The following RBFOX1 variants were observed in gnomAD, a reference collection of about 807,000 sequenced individuals.
RBFOX1 encodes RNA binding fox-1 homolog 1.
In RBFOX1, 8 loss-of-function variants were observed where a neutral mutation model predicts 57.7. The ratio of observed to expected loss-of-function variants is 0.14; its 90% CI spans 0.08 to 0.25. The LOEUF is 0.25. Ranked by LOEUF, RBFOX1 falls within the 10% of genes least tolerant of loss-of-function variation. RBFOX1 has a pLI of 1.00. For synonymous variants in RBFOX1, 326 were observed against 222.4 expected (o/e 1.47, Z -4.15); for missense variants, 611 against 548.5 (o/e 1.11, Z -1.14).
intron 2 of RBFOX1, among the ~76,000 whole-genome samples, chr16:6,559,427 G>A (rs1385966606): frequency 6.6e-6 from 1 of 152,026 alleles, no homozygotes; most frequent in Non-Finnish European, 1.5e-5. Context: ...CCACTGCTGA[G>A]ATCATCTCAG....
At position 6,005,181 on chromosome 16, in the gene RBFOX1, G is replaced by T. The variant is rs1234411315; in HGVS notation, c.351+137846G>T. ...AGAAAGTCACATGACTTCAAATGCG[G>T]AAGTTTATATTTCGTTCAAATGTAT... On this transcript the variant is annotated intron_variant, in intron 4 of 19. Coordinates refer to the RBFOX1 transcript ENST00000641259. Among the ~76,000 whole-genome samples, 4 of 152,190 alleles carry T rather than the reference G, an allele frequency of 2.6e-5. 1 individual carries two copies. The highest frequency in any genetic ancestry group is 2.6e-4 in the Admixed American group (4 of 15,280).
chr16:7,525,643 C>T (rs7198520), intron 5 of RBFOX1, among the ~76,000 whole-genome samples: 130,162 of 152,104 alleles, frequency 0.86, 56,473 homozygotes, highest in South Asian at 0.93. Context: ...TGGCTTTCCC[C>T]CTCTCTGACA....
chr16:5,520,972 C>G lies in RBFOX1; in HGVS notation c.258+53718C>G, dbSNP rs550292339. ...CAGCCAACTGCAGCCTGTGTGTGTC[C>G]TTTGAGTAAGAAAAGCATATTGTTA... On this transcript the variant is annotated intron_variant, in intron 2 of 2. Coordinates refer to the RBFOX1 transcript ENST00000585867. Among the ~76,000 whole-genome samples, 3 of 152,210 alleles carry G rather than the reference C, an allele frequency of 2.0e-5. No individual in the cohort carries two copies. The South Asian group carries it at 6.2e-4, about 32-fold the overall frequency.
intron 1 of RBFOX1, among the ~76,000 whole-genome samples, chr16:6,295,620 G>A (rs763602775): frequency 6.6e-6 from 1 of 152,192 alleles, no homozygotes; most frequent in Non-Finnish European, 1.5e-5. Flanking sequence ...GCTGCAGAGC[G>A]CTGTCTGTGT....
chr16:6,076,525 T>C (rs1347311861), intron 1 of RBFOX1, among the ~76,000 whole-genome samples: 1 of 152,070 alleles, frequency 6.6e-6, no homozygotes, highest in East Asian at 1.9e-4. Context: ...TGGAGGACAG[T>C]GGTGCGATCA....
chr16:5,429,422 C>G lies in RBFOX1; in HGVS notation c.220-37794C>G, dbSNP rs149263585. 3.4e-3 allele frequency among the ~76,000 whole-genome samples: 513 copies of G among 152,278 alleles called. 4 individuals carry two copies. The highest frequency in any genetic ancestry group is 0.012 in the African/African-American group (493 of 41,544). On this transcript the variant is annotated intron_variant, in intron 1 of 2. Transcript: ENST00000585867. ...CGGGGGAGAGTGAGTTTCTGATTGA[C>G]TTGACATTTGTGGAAGGGTTTCTTC...
intron 4 of RBFOX1, among the ~76,000 whole-genome samples, chr16:7,215,059 C>G (rs895315508): frequency 3.9e-5 from 6 of 152,134 alleles, no homozygotes; most frequent in African/African-American, 1.4e-4. Context: ...CTCTCCTTGT[C>G]TCCACCCCCC....
At chr16:5,682,535 T>G (rs2050373251) in intron 3 of RBFOX1, among the ~76,000 whole-genome samples, 1 of 152,228 alleles carries the variant, frequency 6.6e-6, no homozygotes, top group Non-Finnish European at 1.5e-5. Flanking sequence ...ATCCCTGGTT[T>G]GTGCCAGGAC....
intron 2 of RBFOX1, among the ~76,000 whole-genome samples, chr16:6,568,114 A>G (rs1600121750): frequency 6.6e-6 from 1 of 152,234 alleles, no homozygotes; most frequent in Non-Finnish European, 1.5e-5. Flanking sequence ...GACATGTATT[A>G]GTTATCTAAT....
At chr16:6,079,850 AAG>A (rs1478370342) in intron 1 of RBFOX1, among the ~76,000 whole-genome samples, 2 of 152,136 alleles carry the variant, frequency 1.3e-5, no homozygotes, top group African/African-American at 4.8e-5. Flanking sequence ...AAAAAAGAAA[AAG>A]CCTTTTTCTT....
At chr16:5,463,984 G>C (rs1372059651) in intron 1 of RBFOX1, among the ~76,000 whole-genome samples, 2 of 152,108 alleles carry the variant, frequency 1.3e-5, no homozygotes, top group African/African-American at 2.4e-5. Flanking sequence ...CCATAACCAG[G>C]CCTGGGAGAA....
At chr16:7,486,732 C>T (rs571905526) in intron 4 of RBFOX1, among the ~76,000 whole-genome samples, 8 of 152,198 alleles carry the variant, frequency 5.3e-5, no homozygotes, top group African/African-American at 1.7e-4. Flanking sequence ...AGTCATTCAG[C>T]TGAGGTCTAG....
intron 3 of RBFOX1, among the ~76,000 whole-genome samples, chr16:5,714,464 C>A (rs1415428599): frequency 6.6e-6 from 1 of 152,174 alleles, no homozygotes; most frequent in Non-Finnish European, 1.5e-5. Flanking sequence ...CACCCAAAAG[C>A]TGGCCAGCAT....
chr16:6,327,893 G>A (rs994046461), intron 2 of RBFOX1, among the ~76,000 whole-genome samples: 1 of 152,116 alleles, frequency 6.6e-6, no homozygotes. Context: ...ATAAATTCAT[G>A]TATAAGAACT....
In RBFOX1 at chr16:7,059,254, C is replaced by A. The variant is rs185985564; in HGVS notation, c.27+7156C>A. Among the ~76,000 whole-genome samples the A allele has an allele frequency of 1.9e-3, 295 of 152,292 alleles. 4 individuals are homozygous for A. Among genetic ancestry groups the A allele is most frequent in the Middle Eastern group, 3.4e-3 (1 of 294 alleles). On this transcript the variant is annotated intron_variant, in intron 4 of 15. Transcript: ENST00000550418. Reference sequence around the variant, plus strand: ...GCTTTTCATTCCTTAGTGGCTCTTACGATAGCACGGAAGAAAATGTAAGCC... The same window carrying A: ...GCTTTTCATTCCTTAGTGGCTCTTAAGATAGCACGGAAGAAAATGTAAGCC...
chr16:6,471,540 A>G (rs2095173940), intron 2 of RBFOX1, among the ~76,000 whole-genome samples: 1 of 151,690 alleles, frequency 6.6e-6, no homozygotes, highest in Non-Finnish European at 1.5e-5. Context: ...TATTTCTGTG[A>G]CATTCTCAGG....
chr16:6,485,420 C>T lies in RBFOX1; in HGVS notation c.-64+168363C>T, dbSNP rs115006143. 1.2e-3 allele frequency among the ~76,000 whole-genome samples: 175 copies of T among 152,084 alleles called. 2 individuals are homozygous for T. The highest frequency in any genetic ancestry group is 4.1e-3 in the African/African-American group (172 of 41,468). ...TCCTTATCCCATTTTTTTTCATCTA[C>T]GTGTATTTCTTTCCATCTTTCTGTC... On this transcript the variant is annotated intron_variant, in intron 2 of 15. Transcript: ENST00000550418.
Position 7,298,285 on chromosome 16 carries a change from GTTTTT to G in RBFOX1, c.28-219845_28-219841del, listed in dbSNP as rs201092743. 5.0e-4 allele frequency among the ~76,000 whole-genome samples: 48 copies of G among 96,586 alleles called. 1 individual carries two copies. The highest frequency in any genetic ancestry group is 1.8e-3 in the African/African-American group (46 of 24,926). 63.4% of individuals were successfully genotyped at this position (96,586 alleles called of 152,430 possible). A position where few individuals can be genotyped will look rare whatever the true frequency, so the allele number is the denominator to read the frequency against. On this transcript the variant is annotated intron_variant, in intron 4 of 15. Transcript: ENST00000550418. ...AAAATTTGTGTATAGGTTTTTTTTT[GTTTTT>G]TTTTTTTTTTTTTTTTGAGATATAC...
chr16:7,275,865 G>T (rs892216379), intron 4 of RBFOX1, among the ~76,000 whole-genome samples: 6 of 152,204 alleles, frequency 3.9e-5, no homozygotes, highest in African/African-American at 1.4e-4. Context: ...AACCTGTGCA[G>T]AAGGATCTGA....
Sources: gnomAD v4.1 joint callset for allele counts (sites outside exome capture counted in the v4.1 genomes callset) on GRCh38, gnomAD v4.1.1 for gene constraint, MANE v1.5 for transcripts, NCBI Gene and HGNC (gene_info 2026-07-23, HGNC 2026-07-21) for gene names.